Variants in TRIP12 observed in about 807,000 individuals in gnomAD.
The protein encoded by TRIP12 is E3 ubiquitin-protein ligase TRIP12.
In TRIP12, 25 loss-of-function variants were observed where a neutral mutation model predicts 244.2. The ratio of observed to expected loss-of-function variants is 0.10; its 90% CI spans 0.07 to 0.14. The LOEUF is 0.14. Among genes scored for constraint, TRIP12 ranks in the 10% least tolerant of loss-of-function variants. The pLI, the probability that TRIP12 is intolerant of heterozygous loss-of-function variation, is 1.00. For missense variants in TRIP12, 1,677 were observed against 2,486.4 expected, an observed-to-expected ratio of 0.67 and a Z score of 6.92; for synonymous variants, 905 against 873.1, an observed-to-expected ratio of 1.04 and a Z score of -0.64.
intron 17 of TRIP12, 121 bp from the exon 18 acceptor site, chr2:229,806,004 G>T: frequency 1.4e-6 from 1 of 725,318 alleles, no homozygotes; most frequent in Non-Finnish European, 2.1e-6. Context: ...TTTAGATGGT[G>T]AAGTTAACAG....
chr2:229,781,417 T>A (rs1014348937), intron 34 of TRIP12, among the ~76,000 whole-genome samples: 7 of 152,252 alleles, frequency 4.6e-5, no homozygotes, highest in African/African-American at 1.7e-4. Context: ...CAGCTCATTT[T>A]ATCATTCTAA....
intron 2 of TRIP12, among the ~76,000 whole-genome samples, chr2:229,874,646 T>C (rs766014035): frequency 1.1e-4 from 17 of 152,094 alleles, no homozygotes; most frequent in Non-Finnish European, 2.4e-4. Flanking sequence ...ATGTTGCAAG[T>C]ATACATATAT....
At chr2:229,886,396 G>A (rs1046253020) in intron 1 of TRIP12, among the ~76,000 whole-genome samples, 3 of 152,120 alleles carry the variant, frequency 2.0e-5, no homozygotes, top group African/African-American at 7.2e-5. Flanking sequence ...GTTAGGCACT[G>A]AATGCAATTT....
rs2047184507 is a variant in TRIP12 at position 229,811,289 on chromosome 2, C to T, written c.1987-85G>A. ...ATCACTACTTTATCTTCCTCCTAAC[C>T]CCAGATTCTTCAAGGCAAGCTCAAT... On this transcript the variant is annotated intron_variant, in intron 13 of 41. Coordinates refer to ENST00000675903, the MANE Select transcript of TRIP12 (RefSeq NM_001348323.3). 3 of 1,374,274 alleles carry T rather than the reference C, an allele frequency of 2.2e-6. No individual in the cohort carries two copies. The South Asian group carries it at 4.0e-5, about 18-fold the overall frequency. 85.1% of individuals were successfully genotyped at this position (1,374,274 alleles called of 1,614,324 possible).
Position 229,797,822 on chromosome 2 carries a change from A to G in TRIP12, c.3492T>C (p.Ile1164=), listed in dbSNP as rs1575140190. 1 of 1,613,268 alleles carries G rather than the reference A, an allele frequency of 6.2e-7. No homozygotes were observed. The highest frequency in any genetic ancestry group is 1.1e-5 in the South Asian group (1 of 90,846). Residue 1164 remains isoleucine, a synonymous_variant, in exon 24 of 42, where the codon ATT becomes ATC. Coordinates refer to ENST00000675903, the MANE Select transcript of TRIP12 (RefSeq NM_001348323.3). ...GTGCCTGCTCCTTAATCCAACCTTT[A>G]ATTTTTTCTCTACAAGAAACAAAAA... The part of the protein sequence containing the change: ...KDTISNNREK[I]KGWIKEQAHK...
intron 2 of TRIP12, among the ~76,000 whole-genome samples, chr2:229,868,520 C>T (rs1027471761): frequency 6.6e-6 from 1 of 152,058 alleles, no homozygotes; most frequent in African/African-American, 2.4e-5. Context: ...GTATAAATAC[C>T]TTTAAAAAGT....
chr2:229,902,545 A>G (rs1447412816), intron 1 of TRIP12, among the ~76,000 whole-genome samples: 1 of 152,158 alleles, frequency 6.6e-6, no homozygotes, highest in Admixed American at 6.5e-5. Flanking sequence ...ACACTCAACT[A>G]CTTTGAGAAG....
At chr2:229,911,173 C>G (rs1207136124) in intron 1 of TRIP12, among the ~76,000 whole-genome samples, 1 of 152,190 alleles carries the variant, frequency 6.6e-6, no homozygotes, top group African/African-American at 2.4e-5. Flanking sequence ...TATTTTTATT[C>G]TAAAGTCCAC....
intron 1 of TRIP12, among the ~76,000 whole-genome samples, chr2:229,913,707 G>A (rs908238957): frequency 6.6e-6 from 1 of 152,170 alleles, no homozygotes; most frequent in Non-Finnish European, 1.5e-5. Flanking sequence ...TTCTCAATGT[G>A]TCACACCAGA....
intron 2 of TRIP12, among the ~76,000 whole-genome samples, chr2:229,861,167 T>G (rs759163186): frequency 6.6e-6 from 1 of 152,150 alleles, no homozygotes; most frequent in Non-Finnish European, 1.5e-5. Flanking sequence ...CCTGGAGAAA[T>G]ATGGAATTTA....
At chr2:229,774,325 AT>A (rs1164734491) in intron 37 of TRIP12, 64 bp from the exon 38 acceptor site, 21 of 1,479,656 alleles carry the variant, frequency 1.4e-5, no homozygotes, top group Non-Finnish European at 1.6e-5. Context: ...GTTTAAAAAA[AT>A]AAAAGATATC....
chr2:229,863,738 A>G (rs2060862806), intron 2 of TRIP12, among the ~76,000 whole-genome samples: 1 of 152,226 alleles, frequency 6.6e-6, no homozygotes, highest in Non-Finnish European at 1.5e-5. Flanking sequence ...CCAATCTGGA[A>G]TAGCCAATTA....
At chr2:229,839,716 A>G (rs989317407) in intron 5 of TRIP12, among the ~76,000 whole-genome samples, 2 of 152,044 alleles carry the variant, frequency 1.3e-5, no homozygotes, top group African/African-American at 4.8e-5. Context: ...TGACTTACAC[A>G]AAGACGGAGA....
Position 229,802,361 on chromosome 2 carries a change from T to C in TRIP12, c.3097A>G (p.Thr1033Ala). ...TNGSGSMGST[T>A]SVSSGTATAA... ...GTGGCTGTCCCACTGCTGACTGAAG[T>C]TGTGGATCCCATGGATCCCGATCCA... The change falls in exon 21 of 42, where the codon ACT becomes GCT. Residue 1033 changes from threonine (T) to alanine (A), a missense_variant. By Grantham distance (58) the Thr-to-Ala change is moderately conservative. Coordinates refer to ENST00000675903, the MANE Select transcript of TRIP12 (RefSeq NM_001348323.3). 2 of 1,613,912 alleles carry C rather than the reference T, an allele frequency of 1.2e-6. No individual in the cohort carries two copies. Among genetic ancestry groups the C allele is most frequent in the Non-Finnish European group, 1.7e-6 (2 of 1,179,958 alleles).
At chr2:229,771,830 T>A (rs967589525) in intron 38 of TRIP12, among the ~76,000 whole-genome samples, 198 bp from the exon 39 acceptor site, 6 of 151,960 alleles carry the variant, frequency 3.9e-5, no homozygotes, top group Admixed American at 3.9e-4. Flanking sequence ...CCCCTACCAA[T>A]AACAAAATGT....
intron 1 of TRIP12, among the ~76,000 whole-genome samples, chr2:229,901,212 T>A (rs1293027893): frequency 6.6e-6 from 1 of 151,126 alleles, no homozygotes; most frequent in African/African-American, 2.4e-5. Flanking sequence ...GGGATTACAG[T>A]CATGAGCCAC....
chr2:229,895,270 A>C (rs1000571493), intron 1 of TRIP12, among the ~76,000 whole-genome samples: 1 of 152,224 alleles, frequency 6.6e-6, no homozygotes, highest in Non-Finnish European at 1.5e-5. Flanking sequence ...AAGACAGCAA[A>C]GTGGAAGACA....
At chr2:229,811,780 G>T (rs1575373253) in intron 13 of TRIP12, among the ~76,000 whole-genome samples, 1 of 152,146 alleles carries the variant, frequency 6.6e-6, no homozygotes, top group Non-Finnish European at 1.5e-5. Context: ...AAAAAGAAGG[G>T]AAAGAATGTT....
At chr2:229,792,269 TG>T in intron 27 of TRIP12, 43 bp from the exon 28 acceptor site, 1 of 1,571,756 alleles carries the variant, frequency 6.4e-7, no homozygotes, top group Non-Finnish European at 8.6e-7. Flanking sequence ...CGATTTTAGG[TG>T]TAAAAAAAAA....
Sources: allele counts gnomAD v4.1 joint callset (sites outside exome capture counted in the v4.1 genomes callset), GRCh38; gene constraint gnomAD v4.1.1; transcripts MANE v1.5; gene names NCBI Gene and HGNC (gene_info 2026-07-23, HGNC 2026-07-21).